Variants in CMTR1 observed in about 807,000 individuals in gnomAD.
The protein encoded by CMTR1 is cap-specific mRNA (nucleoside-2'-O-)-methyltransferase 1.
CMTR1 carries 39 observed loss-of-function variants against 107.0 expected under a neutral mutation model. The ratio of observed to expected loss-of-function variants is 0.36; its 90% CI spans 0.28 to 0.48. The LOEUF is 0.48. Among genes scored for constraint, CMTR1 ranks in the 20% least tolerant of loss-of-function variants. CMTR1 has a pLI of 0.99. For missense variants in CMTR1, 672 were observed against 1,064.9 expected, an observed-to-expected ratio of 0.63 and a Z score of 5.14; for synonymous variants, 366 against 379.5, an observed-to-expected ratio of 0.96 and a Z score of 0.41.
At chr6:37,442,808 C>T (rs984860279) in intron 2 of CMTR1, among the ~76,000 whole-genome samples, 2 of 152,152 alleles carry the variant, frequency 1.3e-5, no homozygotes, top group African/African-American at 4.8e-5. Flanking sequence ...TGAATAGTGA[C>T]CACCTCGGGT....
At chr6:37,473,650 C>G (rs759015785) in intron 17 of CMTR1, 49 bp downstream of exon 17, 1 of 1,591,828 alleles carries the variant, frequency 6.3e-7, no homozygotes, top group African/African-American at 1.3e-5. Context: ...TGGATTTGCC[C>G]TTTGCGGAAT....
intron 14 of CMTR1, among the ~76,000 whole-genome samples, chr6:37,471,589 G>A (rs6901331): frequency 0.015 from 2,286 of 152,252 alleles, 53 homozygotes; most frequent in African/African-American, 0.052. Flanking sequence ...CATCCAGGTC[G>A]TCTGGAGGGC....
chr6:37,441,484 G>A (rs994967224), intron 2 of CMTR1, among the ~76,000 whole-genome samples: 5 of 150,536 alleles, frequency 3.3e-5, no homozygotes, highest in Admixed American at 3.3e-4. Flanking sequence ...GCTCGATCTC[G>A]GCTCACCGCA....
At chr6:37,428,057 A>AGAGAGAGAGAGAGAGAGAGAGG in the CMTR1 span, among the ~76,000 whole-genome samples, 23 of 143,236 alleles carry the variant, frequency 1.6e-4, 1 homozygote, top group African/African-American at 3.8e-4. Context: ...AGAGAGAGAG[A>AGAGAGAGAGAGAGAGAGAGAGG]GAGAAACTCT....
At chr6:37,460,040 G>A (rs6904458) in intron 10 of CMTR1, among the ~76,000 whole-genome samples, 12,923 of 152,182 alleles carry the variant, frequency 0.085, 975 homozygotes, top group African/African-American at 0.2. Context: ...TAAAGTGAAT[G>A]TTCAAGAGGC....
chr6:37,433,784 G>A (rs867906072), intron 1 of CMTR1, among the ~76,000 whole-genome samples: 2 of 152,216 alleles, frequency 1.3e-5, no homozygotes, highest in Non-Finnish European at 2.9e-5. Context: ...CCCTGCCAGA[G>A]CATTCTGCTG....
At position 37,480,835 on chromosome 6, in the gene CMTR1, T is replaced by G. The variant is rs1433852536; in HGVS notation, c.*690T>G. The stretch of plus-strand genomic sequence containing the variant: ...CACATTGAGATCCTGGGAGCCCTCT[T>G]TTCGTACTGAGTATGGAGTTGTAGA... On this transcript the variant is annotated 3_prime_UTR_variant, in exon 24 of 24. Transcript: ENST00000373451. 8.7e-7 allele frequency: 1 copy of G among 1,147,078 alleles called. No individual in the cohort carries two copies. The highest frequency in any genetic ancestry group is 6.8e-5 in the East Asian group (1 of 14,736). 71.1% of individuals were successfully genotyped at this position (1,147,078 alleles called of 1,614,324 possible). A position where few individuals can be genotyped will look rare whatever the true frequency, so the allele number is the denominator to read the frequency against.
chr6:37,454,341 C>T (rs972521126), intron 8 of CMTR1, among the ~76,000 whole-genome samples: 4 of 152,326 alleles, frequency 2.6e-5, no homozygotes, highest in African/African-American at 7.2e-5. Flanking sequence ...GGCATGTAGC[C>T]CCTCCAGCCA....
rs144794862 is a variant in CMTR1 at position 37,467,954 on chromosome 6, A to G, written c.1506-3067A>G. 3.0e-3 allele frequency among the ~76,000 whole-genome samples: 457 copies of G among 151,820 alleles called. 4 individuals carry two copies. Among genetic ancestry groups the G allele is most frequent in the African/African-American group, 0.01 (423 of 41,424 alleles). ...TGATTGGTGCATTTACATTGAGTGT[A>G]ATTATTAATGTTTAGCTTTAAATCC... On this transcript the variant is annotated intron_variant, in intron 13 of 23. Transcript: ENST00000373451.
At position 37,451,867 on chromosome 6, in the gene CMTR1, T is replaced by C; in HGVS notation, c.599T>C (p.Leu200Ser). ...GGGGAAGAGCTGCTTCACAGTGTGT[T>C]GCAGTGTAAGGTAAGGTCTTGTGGC... Reference protein sequence around the residue: ...FCGEELLHSVLQCKSVFDVLD... With the variant: ...FCGEELLHSVSQCKSVFDVLD... Residue 200 changes from leucine to serine, a missense_variant, in exon 6 of 24, where the codon TTG becomes TCG. Transcript: ENST00000373451. 1 of 1,612,412 alleles carries C rather than the reference T, an allele frequency of 6.2e-7. No individual in the cohort carries two copies. Among genetic ancestry groups the C allele is most frequent in the Non-Finnish European group, 8.5e-7 (1 of 1,179,012 alleles).
intron 4 of CMTR1, among the ~76,000 whole-genome samples, chr6:37,449,886 T>TTC (rs1298699451): frequency 8.5e-5 from 13 of 152,252 alleles, no homozygotes; most frequent in African/African-American, 3.1e-4. Flanking sequence ...GCCTGTTTAC[T>TTC]TCTGTGTCTC....
chr6:37,454,010 G>A (rs1761238202), intron 8 of CMTR1, among the ~76,000 whole-genome samples: 1 of 152,124 alleles, frequency 6.6e-6, no homozygotes, highest in South Asian at 2.1e-4. Context: ...TTCAAGAAGT[G>A]GTAAAGCAAA....
intron 4 of CMTR1, among the ~76,000 whole-genome samples, chr6:37,448,484 A>G (rs143183571): frequency 9.0e-4 from 137 of 152,266 alleles, no homozygotes; most frequent in African/African-American, 3.1e-3. Flanking sequence ...TAGAGTTTAT[A>G]ATTTATAACC....
chr6:37,453,213 G>C (rs766726221), intron 7 of CMTR1, 27 bp from the exon 8 acceptor site: 3 of 1,613,664 alleles, frequency 1.9e-6, no homozygotes, highest in Admixed American at 3.3e-5. Context: ...AGTACATCTA[G>C]TACTTTTCTG....
intron 1 of CMTR1, 94 bp from the exon 2 acceptor site, chr6:37,435,530 C>T: frequency 1.4e-6 from 2 of 1,394,084 alleles, no homozygotes; most frequent in Non-Finnish European, 1.9e-6. Context: ...ATTGCCAAAT[C>T]TCATCCCATT....
chr6:37,450,323 G>A lies in CMTR1; in HGVS notation c.517G>A (p.Asp173Asn), dbSNP rs1460404631. The A allele has an allele frequency of 7.4e-6, 12 of 1,613,966 alleles. No homozygotes were observed. Among genetic ancestry groups the A allele is most frequent in the Middle Eastern group, 1.6e-4 (1 of 6,062 alleles). The change falls in exon 5 of 24, where the codon GAT becomes AAT. Residue 173 changes from aspartate to asparagine, a missense_variant. By Grantham distance (23) the Asp-to-Asn change is conservative. Around this residue, in one of 2 missense-constraint regions of CMTR1, gnomAD observed 583 missense variants for 968.4 expected, o/e 0.60. Transcript: ENST00000373451. ...TEIPDTQEMS[D>N]WMVVGKRKMI... is the part of the protein sequence containing the mutation. ...AATTCCTGACACTCAGGAAATGAGC[G>A]ATTGGATGGTGGTGGGAAAGGTAGG... is the stretch of plus-strand genomic sequence containing the variant.
In CMTR1 at chr6:37,474,305, G is replaced by A. The variant is rs143552918; in HGVS notation, c.1822-219G>A. 1.7e-3 allele frequency among the ~76,000 whole-genome samples: 252 copies of A among 152,304 alleles called. 1 individual carries two copies. Among genetic ancestry groups the A allele is most frequent in the African/African-American group, 5.8e-3 (240 of 41,562 alleles). Reference sequence around the variant, plus strand: ...AGTGGTGCCCTGCACCCGTTCCAAGGCTGAGCCAGATCTCTGCTTCTCTTC... The same window carrying A: ...AGTGGTGCCCTGCACCCGTTCCAAGACTGAGCCAGATCTCTGCTTCTCTTC... On this transcript the variant is annotated intron_variant, in intron 17 of 23. Transcript: ENST00000373451.
chr6:37,451,755 G>T, intron 5 of CMTR1, 51 bp from the exon 6 acceptor site: 1 of 1,381,088 alleles, frequency 7.2e-7, no homozygotes, highest in South Asian at 1.2e-5. Context: ...ATTCATCCCC[G>T]ACAATTGCAG....
At chr6:37,427,492 T>C in the CMTR1 span, among the ~76,000 whole-genome samples, 1 of 152,224 alleles carries the variant, frequency 6.6e-6, no homozygotes, top group Non-Finnish European at 1.5e-5. This position sits in a 1 kb window ranked among gnomAD's most constrained non-coding sequence, Gnocchi z 4.4. Flanking sequence ...TCCTGCCTTA[T>C]AGATCCCTTC....
Sources: gnomAD v4.1 joint callset for allele counts (sites outside exome capture counted in the v4.1 genomes callset) on GRCh38, gnomAD v4.1.1 for gene constraint, gnomAD v4.1.1 regional missense constraint, Gnocchi (gnomAD v3.1) non-coding constraint, MANE v1.5 for transcripts, NCBI Gene and HGNC (gene_info 2026-07-23, HGNC 2026-07-21) for gene names.